ASTN2: variants seen among roughly 807,000 people sequenced by gnomAD.
ASTN2 encodes the protein astrotactin 2.
Under a neutral mutation model 139.8 loss-of-function variants are expected in ASTN2, and 54 were observed. That is an observed-to-expected ratio of 0.39 (90% CI 0.31 to 0.48). The LOEUF is 0.48. ASTN2 is among the 20% of genes least tolerant of loss of function. ASTN2 has a pLI of 0.95. For missense variants in ASTN2, 1,565 were observed against 1,725.1 expected (o/e 0.91, Z 1.64); for synonymous variants, 756 against 719.5 (o/e 1.05, Z -0.81).
intron 13 of ASTN2, among the ~76,000 whole-genome samples, chr9:116,798,897 T>A (rs1382504064): frequency 6.6e-6 from 1 of 152,168 alleles, no homozygotes; most frequent in African/African-American, 2.4e-5. Context: ...CACTGAAGTT[T>A]GAAATTGTTT....
At chr9:116,847,815 A>C (rs1264711062) in intron 11 of ASTN2, among the ~76,000 whole-genome samples, 2 of 152,188 alleles carry the variant, frequency 1.3e-5, no homozygotes, top group Non-Finnish European at 2.9e-5. Flanking sequence ...TTACTTCCTC[A>C]TCTGTTATAT....
chr9:117,185,806 G>A (rs1564466698), intron 3 of ASTN2, among the ~76,000 whole-genome samples: 1 of 152,068 alleles, frequency 6.6e-6, no homozygotes, highest in African/African-American at 2.4e-5. Flanking sequence ...TTCCAGGTGG[G>A]AGCCAAAGAG....
At chr9:116,570,223 C>T (rs1014636387) in intron 19 of ASTN2, among the ~76,000 whole-genome samples, 1 of 152,184 alleles carries the variant, frequency 6.6e-6, no homozygotes, top group African/African-American at 2.4e-5. Context: ...CAGCACAGTT[C>T]ATATAGTGGG....
intron 19 of ASTN2, among the ~76,000 whole-genome samples, chr9:116,535,145 T>A (rs10983223): frequency 6.6e-6 from 1 of 152,030 alleles, no homozygotes; most frequent in East Asian, 1.9e-4. Flanking sequence ...TGATCTTTAT[T>A]GGTTTAAAGT....
chr9:117,217,257 T>C (rs1832354463), intron 2 of ASTN2, among the ~76,000 whole-genome samples: 2 of 152,186 alleles, frequency 1.3e-5, no homozygotes. Flanking sequence ...TTGATGCCCC[T>C]GGGGGAATCT....
intron 5 of ASTN2, among the ~76,000 whole-genome samples, chr9:117,045,402 G>C (rs7850173): frequency 0.079 from 12,061 of 151,918 alleles, 982 homozygotes; most frequent in African/African-American, 0.2. Flanking sequence ...TTACTTGCAG[G>C]GGAATAAGCT....
intron 5 of ASTN2, among the ~76,000 whole-genome samples, chr9:117,088,406 T>A (rs967957452): frequency 2.6e-5 from 4 of 152,208 alleles, no homozygotes; most frequent in African/African-American, 9.6e-5. Flanking sequence ...TTGGGACTCA[T>A]GGCTTATATT....
chr9:116,704,478 T>A (rs2840224), intron 16 of ASTN2, among the ~76,000 whole-genome samples: 336 of 152,332 alleles, frequency 2.2e-3, no homozygotes, highest in African/African-American at 7.6e-3. Flanking sequence ...AATGACAGTT[T>A]ATGTTTTAAA....
intron 10 of ASTN2, among the ~76,000 whole-genome samples, chr9:116,961,712 A>G (rs1835879389): frequency 1.3e-5 from 2 of 152,196 alleles, no homozygotes; most frequent in Non-Finnish European, 2.9e-5. Context: ...TCATGTACTT[A>G]ATGAACACTT....
rs1554718677 is a variant in ASTN2, at chr9:116,597,299, A to ATTTTTGTTTTTTTTTTTTTTTTTTTT, written c.3355+21024_3355+21025insAAAAAAAAAAAAAAAAAAAACAAAAA. Among the ~76,000 whole-genome samples the ATTTTTGTTTTTTTTTTTTTTTTTTTT allele has an allele frequency of 6.6e-5, 5 of 75,542 alleles. 1 individual carries two copies. The highest frequency in any genetic ancestry group is 9.8e-5 in the African/African-American group (2 of 20,500). The allele number at this position is 75,542 out of a possible 152,430, so 49.6% of individuals were successfully genotyped here. On this transcript the variant is annotated intron_variant, in intron 19 of 22. Coordinates refer to ENST00000313400, the MANE Select transcript of ASTN2 (RefSeq NM_001365068.1). ...CAAAATATTCCATGACTTTTGATCT[A>ATTTTTGTTTTTTTTTTTTTTTTTTTT]TTTTTTTTTTTTTTTTTTTTTTTTG...
chr9:116,843,939 T>C (rs2132310398), intron 11 of ASTN2, among the ~76,000 whole-genome samples: 1 of 152,274 alleles, frequency 6.6e-6, no homozygotes, highest in South Asian at 2.1e-4. Flanking sequence ...TATTTTTTAA[T>C]CAAATTTTAA....
chr9:116,668,546 T>C (rs1859008693), intron 16 of ASTN2, among the ~76,000 whole-genome samples: 1 of 152,228 alleles, frequency 6.6e-6, no homozygotes, highest in Non-Finnish European at 1.5e-5. Flanking sequence ...TTTTCATGGT[T>C]TAGAAGCTCA....
intron 1 of ASTN2, among the ~76,000 whole-genome samples, chr9:117,393,546 C>T (rs1830598700): frequency 6.6e-6 from 1 of 152,158 alleles, no homozygotes; most frequent in African/African-American, 2.4e-5. Flanking sequence ...AGAGGAGAGC[C>T]TCTTGCATTC....
chr9:117,363,132 C>G (rs1247936221), intron 1 of ASTN2, among the ~76,000 whole-genome samples: 1 of 152,152 alleles, frequency 6.6e-6, no homozygotes, highest in Non-Finnish European at 1.5e-5. Context: ...ATTAAATGCT[C>G]TACTGTTACC....
chr9:116,814,038 GA>G (rs1331893512), intron 12 of ASTN2, among the ~76,000 whole-genome samples: 1,174 of 87,978 alleles, frequency 0.013, 6 homozygotes, highest in African/African-American at 0.019. Context: ...TCTGTCTCAA[GA>G]AAAAAAAAAA....
chr9:117,061,173 T>G (rs1839280826), intron 5 of ASTN2, among the ~76,000 whole-genome samples: 1 of 146,002 alleles, frequency 6.8e-6, no homozygotes, highest in Non-Finnish European at 1.5e-5. Context: ...ATTTATTTAT[T>G]TATTTATTTA....
chr9:116,582,690 C>T (rs977694132), intron 19 of ASTN2: 1 of 152,166 alleles, frequency 6.6e-6, no homozygotes, highest in African/African-American at 2.4e-5. Context: ...CACCAGTAAG[C>T]ATGAGAAAAG....
intron 16 of ASTN2, among the ~76,000 whole-genome samples, chr9:116,682,339 C>T (rs576215282): frequency 1.4e-3 from 215 of 152,302 alleles, no homozygotes; most frequent in Middle Eastern, 3.4e-3. Flanking sequence ...CCATCTCACA[C>T]CAGTTAGAAT....
intron 3 of ASTN2, among the ~76,000 whole-genome samples, chr9:117,180,090 T>C (rs995527475): frequency 6.6e-6 from 1 of 152,238 alleles, no homozygotes; most frequent in Non-Finnish European, 1.5e-5. Context: ...ATGCTAGCTC[T>C]GCATCTCTCT....
Sources: allele counts gnomAD v4.1 joint callset (sites outside exome capture counted in the v4.1 genomes callset), GRCh38; gene constraint gnomAD v4.1.1; transcripts MANE v1.5; gene names NCBI Gene and HGNC (gene_info 2026-07-23, HGNC 2026-07-21).